Variants in SYN3 observed in about 807,000 individuals in gnomAD.
SYN3 encodes the protein synapsin-3.
Under a neutral mutation model 65.8 loss-of-function variants are expected in SYN3, and 35 were observed. The observed-to-expected ratio is 0.53, with a 90% CI of 0.41 to 0.70. The LOEUF is 0.70. SYN3 is among the 30% of genes least tolerant of loss of function. SYN3 has a pLI of 0.00. For missense variants in SYN3, 680 were observed against 749.0 expected (o/e 0.91, Z 1.08); for synonymous variants, 270 against 292.9 (o/e 0.92, Z 0.80).
intron 4 of SYN3, among the ~76,000 whole-genome samples, chr22:32,917,263 C>A (rs1330976685): frequency 6.6e-6 from 1 of 152,150 alleles, no homozygotes; most frequent in East Asian, 1.9e-4. Flanking sequence ...GACACCAATG[C>A]TAGTGTTTTT....
chr22:32,631,943 G>GA lies in SYN3; in HGVS notation c.712-35208dup, dbSNP rs1360086739. ...GCAGGGAACAAATAGTCTATGAGGT[G>GA]AGGAATTTGCCTTTGGCTCTTAGAT... On this transcript the variant is annotated intron_variant, in intron 6 of 13. Coordinates refer to ENST00000358763, the MANE Select transcript of SYN3 (RefSeq NM_003490.4). Among the ~76,000 whole-genome samples the GA allele has an allele frequency of 2.0e-5, 3 of 152,334 alleles. No homozygotes were observed. In the East Asian group the frequency reaches 5.8e-4, roughly 29 times the overall value.
At chr22:32,789,084 T>C (rs527620508) in intron 6 of SYN3, among the ~76,000 whole-genome samples, 4 of 152,394 alleles carry the variant, frequency 2.6e-5, no homozygotes, top group African/African-American at 9.6e-5. Flanking sequence ...CTGAGCCGCC[T>C]TCACTTTGCC....
chr22:32,833,542 G>A (rs1238513905), intron 6 of SYN3, among the ~76,000 whole-genome samples: 1 of 152,168 alleles, frequency 6.6e-6, no homozygotes, highest in Non-Finnish European at 1.5e-5. Flanking sequence ...AGCTTACACT[G>A]AGTGACCCTG....
chr22:32,610,955 T>C (rs928926386), intron 6 of SYN3, among the ~76,000 whole-genome samples: 1 of 152,234 alleles, frequency 6.6e-6, no homozygotes, highest in African/African-American at 2.4e-5. Flanking sequence ...CACAGTATTC[T>C]GTTGTATGGA....
At chr22:32,593,458 T>C (rs1214772413) in intron 7 of SYN3, among the ~76,000 whole-genome samples, 1 of 152,088 alleles carries the variant, frequency 6.6e-6, no homozygotes, top group Non-Finnish European at 1.5e-5. Flanking sequence ...AAGATACAGG[T>C]CAGAGAAACA....
In SYN3 at chr22:33,006,628, C is replaced by T. The variant is rs1601891335; in HGVS notation, c.35G>A (p.Ser12Asn). Residue 12 changes from serine to asparagine, a missense_variant, in exon 2 of 14, where the codon AGC becomes AAC. Coordinates refer to ENST00000358763, the MANE Select transcript of SYN3 (RefSeq NM_003490.4). ...NFLRRRLSDS[S>N]FMANLPNGYM... ...GCCATTAGGCAGGTTGGCCATGAAG[C>T]TGCTGTCAGAGAGACGTCGCCGGAG... 2 of 1,601,480 alleles carry T rather than the reference C, an allele frequency of 1.2e-6. No homozygotes were observed. Among genetic ancestry groups the T allele is most frequent in the East Asian group, 2.2e-5 (1 of 44,734 alleles).
intron 7 of SYN3, among the ~76,000 whole-genome samples, chr22:32,587,767 G>C (rs1327357258): frequency 6.6e-6 from 1 of 152,190 alleles, no homozygotes; most frequent in African/African-American, 2.4e-5. Context: ...ACATCGCCTG[G>C]AGGAGCGGCC....
intron 2 of SYN3, among the ~76,000 whole-genome samples, chr22:33,002,661 C>CAA (rs370492167): frequency 6.6e-6 from 1 of 151,638 alleles, no homozygotes; most frequent in African/African-American, 2.4e-5. Flanking sequence ...CAAAACAAAA[C>CAA]AAAAAAAACT....
At chr22:32,933,756 G>A (rs1437412233) in intron 3 of SYN3, among the ~76,000 whole-genome samples, 1 of 152,066 alleles carries the variant, frequency 6.6e-6, no homozygotes, top group Non-Finnish European at 1.5e-5. Flanking sequence ...GCTTTTAACT[G>A]CCACACTCCA....
At chr22:32,645,905 T>C (rs2059977060) in intron 6 of SYN3, among the ~76,000 whole-genome samples, 1 of 147,350 alleles carries the variant, frequency 6.8e-6, no homozygotes. Context: ...ATTTTGGGGG[T>C]TGGGGTGGGG....
intron 4 of SYN3, among the ~76,000 whole-genome samples, chr22:32,893,799 T>C (rs1163326588): frequency 1.3e-5 from 2 of 152,148 alleles, no homozygotes; most frequent in Non-Finnish European, 2.9e-5. Flanking sequence ...GAAAGCCTTC[T>C]TTGAACATGG....
chr22:32,616,538 A>G (rs1197621411), intron 6 of SYN3, among the ~76,000 whole-genome samples: 1 of 152,132 alleles, frequency 6.6e-6, no homozygotes, highest in Non-Finnish European at 1.5e-5. Context: ...TGAGTATAAT[A>G]GCATCCCTAG....
At chr22:32,945,682 T>C (rs530305010) in intron 3 of SYN3, among the ~76,000 whole-genome samples, 185 of 152,248 alleles carry the variant, frequency 1.2e-3, no homozygotes, top group African/African-American at 4.2e-3. Flanking sequence ...AAAGCCAACA[T>C]TGACAAATGG....
chr22:32,767,044 T>C (rs2045644779), intron 6 of SYN3, among the ~76,000 whole-genome samples: 1 of 152,182 alleles, frequency 6.6e-6, no homozygotes, highest in African/African-American at 2.4e-5. Context: ...CCAAATCAGT[T>C]ATAGGCCTGT....
chr22:32,869,163 T>C (rs112881327), intron 4 of SYN3, 38 bp from the exon 5 acceptor site: 33 of 1,595,216 alleles, frequency 2.1e-5, no homozygotes, highest in African/African-American at 1.1e-4. Flanking sequence ...CACTGGGACA[T>C]TGATGAAACA....
chr22:32,872,269 G>A (rs1362270186), intron 4 of SYN3, among the ~76,000 whole-genome samples: 1 of 152,152 alleles, frequency 6.6e-6, no homozygotes, highest in African/African-American at 2.4e-5. Context: ...ATAAATGATT[G>A]CATGAATGAA....
At chr22:32,730,001 G>A (rs903645894) in intron 6 of SYN3, among the ~76,000 whole-genome samples, 10 of 152,268 alleles carry the variant, frequency 6.6e-5, no homozygotes, top group African/African-American at 1.9e-4. Flanking sequence ...TACTACTAAT[G>A]CTCACGAGAT....
At chr22:32,953,271 T>C (rs2146837962) in intron 3 of SYN3, among the ~76,000 whole-genome samples, 1 of 152,268 alleles carries the variant, frequency 6.6e-6, no homozygotes, top group Middle Eastern at 3.4e-3. Context: ...ACATTCTTAT[T>C]GAGCAGCTGC....
chr22:32,622,567 G>C (rs1433794334), intron 6 of SYN3, among the ~76,000 whole-genome samples: 1 of 151,946 alleles, frequency 6.6e-6, no homozygotes, highest in Non-Finnish European at 1.5e-5. Flanking sequence ...GGCCTCAGAG[G>C]AGAGCAGCTG....
Sources: gnomAD v4.1 joint callset for allele counts (sites outside exome capture counted in the v4.1 genomes callset) on GRCh38, gnomAD v4.1.1 for gene constraint, MANE v1.5 for transcripts, NCBI Gene and HGNC (gene_info 2026-07-23, HGNC 2026-07-21) for gene names.